MS4A13: variants seen among roughly 807,000 people sequenced by gnomAD.
The protein encoded by MS4A13 is membrane-spanning 4-domains subfamily A member 13.
Under a neutral mutation model 18.4 loss-of-function variants are expected in MS4A13, and 21 were observed. That is an observed-to-expected ratio of 1.14 (90% CI 0.81 to 1.64). The LOEUF is 1.64. MS4A13 is among the 40% of genes most tolerant of loss of function. The probability of loss-of-function intolerance (pLI) is 0.00; values close to 1 mark genes in which losing one functional copy is unlikely to be tolerated. For synonymous variants in MS4A13, 62 were observed against 57.2 expected (o/e 1.08, Z -0.38); for missense variants, 173 against 176.8 (o/e 0.98, Z 0.12).
intron 3 of MS4A13, among the ~76,000 whole-genome samples, chr11:60,522,405 A>AT (rs969280308): frequency 6.6e-6 from 1 of 152,098 alleles, no homozygotes; most frequent in Admixed American, 6.5e-5. Context: ...TACTTAAACC[A>AT]TGAAGGATAG....
At chr11:60,519,405 G>GT (rs796778494) in intron 3 of MS4A13, among the ~76,000 whole-genome samples, 1,626 of 145,610 alleles carry the variant, frequency 0.011, 14 homozygotes, top group African/African-American at 0.024. Context: ...GCCTGTGGAA[G>GT]TTTTTTTTTT....
intron 3 of MS4A13, among the ~76,000 whole-genome samples, chr11:60,523,323 A>C (rs191952701): frequency 1.1e-4 from 16 of 152,330 alleles, no homozygotes; most frequent in Admixed American, 3.9e-4. Context: ...GCATAGTTTT[A>C]TACTTCTTGG....
At chr11:60,527,866 AT>A (rs1380044643) in intron 5 of MS4A13, among the ~76,000 whole-genome samples, 1 of 152,190 alleles carries the variant, frequency 6.6e-6, no homozygotes, top group African/African-American at 2.4e-5. Flanking sequence ...ATTAAAAAAA[AT>A]AAGGAATATG....
At chr11:60,516,695 C>T (rs1039033617) in intron 2 of MS4A13, among the ~76,000 whole-genome samples, 67 of 151,978 alleles carry the variant, frequency 4.4e-4, no homozygotes, top group African/African-American at 1.6e-3. Context: ...AGGGGGTAGG[C>T]GGGTCTGACC....
intron 5 of MS4A13, among the ~76,000 whole-genome samples, chr11:60,527,271 G>A (rs1429437082): frequency 6.6e-6 from 1 of 151,670 alleles, no homozygotes; most frequent in Non-Finnish European, 1.5e-5. Context: ...TACAACCCAA[G>A]TTGACTTAAG....
At chr11:60,525,393 TAGG>T in intron 5 of MS4A13, 67 bp downstream of exon 5, 2 of 1,161,368 alleles carry the variant, frequency 1.7e-6, no homozygotes, top group Non-Finnish European at 2.4e-6. Flanking sequence ...TTTGAAATCT[TAGG>T]AGGTAAGATG....
rs753922821 is a variant in MS4A13 at position 60,542,507 on chromosome 11, CT to C, written c.403-5del. The C allele has an allele frequency of 9.5e-5, 152 of 1,593,028 alleles. No homozygotes were observed. The highest frequency in any genetic ancestry group is 1.2e-4 in the Non-Finnish European group (143 of 1,164,468). ...ACATGATATGATTTGTAAGAGGTTACTTTTTTTCCAGTTTCGAAGACAAAAT... is the reference window on the plus strand; with the variant it reads ...ACATGATATGATTTGTAAGAGGTTACTTTTTTCCAGTTTCGAAGACAAAAT... On this transcript the variant is annotated splice_polypyrimidine_tract_variant and intron_variant, in intron 6 of 6. Coordinates refer to ENST00000378186, the MANE Select transcript of MS4A13 (RefSeq NM_001012417.3).
intron 6 of MS4A13, among the ~76,000 whole-genome samples, chr11:60,531,148 A>G (rs2086763535): frequency 6.6e-6 from 1 of 152,146 alleles, no homozygotes; most frequent in Non-Finnish European, 1.5e-5. Context: ...ATTGCTTGAG[A>G]TGACTAGTTT....
chr11:60,531,397 T>C (rs1425114359), intron 6 of MS4A13, among the ~76,000 whole-genome samples: 3 of 152,154 alleles, frequency 2.0e-5, no homozygotes, highest in African/African-American at 7.2e-5. Context: ...TCTGGAAGAA[T>C]ATAAATATGT....
chr11:60,521,895 G>T (rs1259308565), intron 3 of MS4A13, among the ~76,000 whole-genome samples: 1 of 152,158 alleles, frequency 6.6e-6, no homozygotes, highest in Non-Finnish European at 1.5e-5. Context: ...AGGTTTGTTG[G>T]ACTTACAGTT....
Position 60,527,871 on chromosome 11 carries a change from G to T in MS4A13, c.307-1494G>T, listed in dbSNP as rs559903412. 3.6e-4 allele frequency among the ~76,000 whole-genome samples: 55 copies of T among 152,120 alleles called. 2 individuals are homozygous for T. In the South Asian group the frequency reaches 0.011, roughly 31 times the overall value. ...AAATTAAAAAATTAAAAAAAATAAG[G>T]AATATGGGTAAAATGACTTTTCACA... On this transcript the variant is annotated intron_variant, in intron 5 of 6. Coordinates refer to ENST00000378186, the MANE Select transcript of MS4A13 (RefSeq NM_001012417.3).
intron 6 of MS4A13, among the ~76,000 whole-genome samples, chr11:60,535,486 T>A (rs1287000170): frequency 1.5e-5 from 2 of 137,274 alleles, no homozygotes; most frequent in South Asian, 2.5e-4. Context: ...AGAAGTAGAA[T>A]CTCTGAATAG....
chr11:60,527,402 C>CTGTGTG (rs1565212713), intron 5 of MS4A13, among the ~76,000 whole-genome samples: 262 of 81,414 alleles, frequency 3.2e-3, no homozygotes, highest in South Asian at 6.9e-3. Flanking sequence ...CTCTCTCTCT[C>CTGTGTG]TCTCTCTCTG....
chr11:60,519,166 C>T (rs925613193), intron 3 of MS4A13, among the ~76,000 whole-genome samples: 4 of 150,646 alleles, frequency 2.7e-5, no homozygotes, highest in Non-Finnish European at 4.4e-5. Context: ...CAGCTAGAGG[C>T]AATTTTGCCC....
chr11:60,527,361 CGTCTCT>C (rs1227440418), intron 5 of MS4A13, among the ~76,000 whole-genome samples: 1,570 of 75,194 alleles, frequency 0.021, 24 homozygotes, highest in East Asian at 0.034. Context: ...TCATTCATTC[CGTCTCT>C]CTCTCTCTCT....
At chr11:60,519,023 C>A (rs994907149) in intron 3 of MS4A13, among the ~76,000 whole-genome samples, 1 of 151,972 alleles carries the variant, frequency 6.6e-6, no homozygotes, top group Non-Finnish European at 1.5e-5. Flanking sequence ...AGGACTGAAC[C>A]AAAAGAAAGA....
At chr11:60,530,920 T>A (rs1221732666) in intron 6 of MS4A13, among the ~76,000 whole-genome samples, 1 of 152,208 alleles carries the variant, frequency 6.6e-6, no homozygotes. Context: ...AAAAAGGTCC[T>A]TGCTTCCCCT....
chr11:60,524,305 T>C (rs1334112659), intron 4 of MS4A13, among the ~76,000 whole-genome samples: 1 of 152,184 alleles, frequency 6.6e-6, no homozygotes, highest in Non-Finnish European at 1.5e-5. Context: ...TTCTGAACTA[T>C]CCAGTTTGGG....
rs1181669087 is a variant in MS4A13, at chr11:60,542,352, G to A, written c.403-167G>A. Among the ~76,000 whole-genome samples, 5 of 151,856 alleles carry A rather than the reference G, an allele frequency of 3.3e-5. No homozygotes were observed. The East Asian group carries it at 5.8e-4, about 18-fold the overall frequency. ...GAAAGAAAGAGAAAGAGAAAGAAAG[G>A]AAGAAAGAAATAAGGTTGAAATAGG... On this transcript the variant is annotated intron_variant, in intron 6 of 6. Coordinates refer to ENST00000378186, the MANE Select transcript of MS4A13 (RefSeq NM_001012417.3).
Sources: gnomAD v4.1 joint callset for allele counts (sites outside exome capture counted in the v4.1 genomes callset) on GRCh38, gnomAD v4.1.1 for gene constraint, MANE v1.5 for transcripts, NCBI Gene and HGNC (gene_info 2026-07-23, HGNC 2026-07-21) for gene names.